EEA1: variants seen among roughly 807,000 people sequenced by gnomAD.
EEA1 encodes the protein early endosome antigen 1.
Under a neutral mutation model 209.2 loss-of-function variants are expected in EEA1, and 111 were observed. The observed-to-expected ratio is 0.53, with a 90% confidence interval of 0.45 to 0.62. EEA1 has a LOEUF of 0.62. EEA1 is among the 20% of genes least tolerant of loss of function. EEA1 has a pLI of 0.00. For synonymous variants in EEA1, 536 were observed against 540.6 expected (o/e 0.99, Z 0.12); for missense variants, 1,343 against 1,530.8 (o/e 0.88, Z 2.05).
intron 6 of EEA1, 30 bp downstream of exon 6, chr12:92,853,885 T>G (rs971438577): frequency 1.3e-6 from 2 of 1,583,284 alleles, no homozygotes; most frequent in African/African-American, 2.7e-5. Context: ...AAAAGAAAAC[T>G]GACAAAATAT....
intron 2 of EEA1, among the ~76,000 whole-genome samples, chr12:92,865,892 C>T (rs967926967): frequency 4.6e-5 from 7 of 151,842 alleles, no homozygotes. Context: ...GGATTACAGG[C>T]ACCCGCCACC....
chr12:92,821,708 T>C (rs995296551), intron 13 of EEA1, among the ~76,000 whole-genome samples: 10 of 151,896 alleles, frequency 6.6e-5, no homozygotes, highest in Admixed American at 5.2e-4. Context: ...ACATTCTCAA[T>C]CTCTGCTTGC....
At position 92,775,243 on chromosome 12, in the gene EEA1, G is replaced by A. The variant is rs956249654; in HGVS notation, c.*768C>T. ...TTCTAAGATTCTAAATGGACAATGC[G>A]TGGGAGTTTAAGAAAGAGACAGAAA... On this transcript the variant is annotated 3_prime_UTR_variant, in exon 29 of 29. Coordinates refer to ENST00000322349, the MANE Select transcript of EEA1 (RefSeq NM_003566.4). The A allele has an allele frequency of 1.3e-5, 2 of 151,622 alleles. No homozygotes were observed. The highest frequency in any genetic ancestry group is 2.4e-5 in the African/African-American group (1 of 41,400). 9.4% of individuals were successfully genotyped at this position (151,622 alleles called of 1,614,324 possible).
Position 92,816,189 on chromosome 12 carries a change from T to C in EEA1, c.1929+11A>G, listed in dbSNP as rs1326019595. The C allele has an allele frequency of 2.5e-6, 4 of 1,608,734 alleles. No homozygotes were observed. In the South Asian group the frequency reaches 3.3e-5, roughly 13 times the overall value. ...ACTGGTGCTTTACACAAACATTAAATTTAATATTACCTGTATGTCAAGCTG... is the reference window on the plus strand; with the variant it reads ...ACTGGTGCTTTACACAAACATTAAACTTAATATTACCTGTATGTCAAGCTG... On this transcript the variant is annotated intron_variant, in intron 15 of 28. Transcript: ENST00000322349.
At chr12:92,808,577 T>C (rs1191172126) in intron 18 of EEA1, among the ~76,000 whole-genome samples, 1 of 151,948 alleles carries the variant, frequency 6.6e-6, no homozygotes, top group African/African-American at 2.4e-5. Context: ...TCAAGCAATC[T>C]TGCTATGCTA....
intron 1 of EEA1, among the ~76,000 whole-genome samples, chr12:92,914,336 A>G (rs956351322): frequency 4.6e-5 from 7 of 152,104 alleles, no homozygotes; most frequent in Admixed American, 1.3e-4. Context: ...CTTCTGTTCC[A>G]TTGACCTGTG....
chr12:92,880,079 C>A (rs1055185244), intron 2 of EEA1, among the ~76,000 whole-genome samples: 1 of 152,256 alleles, frequency 6.6e-6, no homozygotes, highest in African/African-American at 2.4e-5. Context: ...TGTAGCCATG[C>A]ATGGCATGTA....
At position 92,808,574 on chromosome 12, in the gene EEA1, A is replaced by G. The variant is rs78797613; in HGVS notation, c.2339+443T>C. ...AGCCTCGACCTCCCAAGCTCAAGCA[A>G]TCTTGCTATGCTACCCAGGCTGAGA... On this transcript the variant is annotated intron_variant, in intron 18 of 28. Coordinates refer to ENST00000322349, the MANE Select transcript of EEA1 (RefSeq NM_003566.4). Among the ~76,000 whole-genome samples, 894 of 152,018 alleles carry G rather than the reference A, an allele frequency of 5.9e-3. 11 individuals are homozygous for G. The highest frequency in any genetic ancestry group is 0.02 in the African/African-American group (846 of 41,472).
intron 6 of EEA1, among the ~76,000 whole-genome samples, 154 bp downstream of exon 6, chr12:92,853,761 C>G (rs538904405): frequency 9.9e-4 from 151 of 152,226 alleles, no homozygotes; most frequent in South Asian, 2.1e-3. Flanking sequence ...ATGTAACTCT[C>G]TACACCTAGA....
chr12:92,799,836 T>C (rs1290652451), intron 20 of EEA1, among the ~76,000 whole-genome samples: 2 of 152,024 alleles, frequency 1.3e-5, no homozygotes, highest in African/African-American at 2.4e-5. Context: ...ACTAAGCCTA[T>C]TGGCCACAGT....
At chr12:92,831,715 C>G (rs1251274887) in intron 11 of EEA1, among the ~76,000 whole-genome samples, 1 of 149,784 alleles carries the variant, frequency 6.7e-6, no homozygotes, top group Non-Finnish European at 1.5e-5. Flanking sequence ...AGCATTAGGG[C>G]TGATTCACTT....
chr12:92,776,845 C>A lies in EEA1; in HGVS notation c.4112G>T (p.Arg1371Leu). 6.2e-7 allele frequency: 1 copy of A among 1,609,972 alleles called. No homozygotes were observed. Among genetic ancestry groups the A allele is most frequent in the Non-Finnish European group, 8.5e-7 (1 of 1,177,250 alleles). Reference sequence around the variant, plus strand: ...AGTTACATGAACAAAATTATTTACCCGTCTCACTGTTACTGAAAAGCCTTT... The same window carrying A: ...AGTTACATGAACAAAATTATTTACCAGTCTCACTGTTACTGAAAAGCCTTT... ...CGKGFSVTVRRHHCRQCGNIF... is the reference protein window; with the variant it reads ...CGKGFSVTVRLHHCRQCGNIF... The change falls in exon 28 of 29, where the codon CGG (arginine) becomes CTG (leucine). Residue 1371 changes from arginine (R) to leucine (L), a missense_variant and splice_region_variant. Physicochemically the swap from Arg to Leu is moderately radical, Grantham distance 102 (BLOSUM62 -2). Coordinates refer to ENST00000322349, the MANE Select transcript of EEA1 (RefSeq NM_003566.4).
chr12:92,910,951 T>C (rs1257882595), intron 1 of EEA1, among the ~76,000 whole-genome samples: 1 of 152,140 alleles, frequency 6.6e-6, no homozygotes, highest in Non-Finnish European at 1.5e-5. Context: ...ACACAGCTAG[T>C]AGAATGGCCA....
chr12:92,852,149 A>C, intron 8 of EEA1, 26 bp downstream of exon 8: 1 of 1,552,574 alleles, frequency 6.4e-7, no homozygotes, highest in East Asian at 2.3e-5. Context: ...ATAAGAGTAC[A>C]TCTCAATAAA....
chr12:92,858,968 C>A, intron 3 of EEA1: 4 of 689,076 alleles, frequency 5.8e-6, no homozygotes, highest in Admixed American at 2.2e-5. Flanking sequence ...AACCGTTCAG[C>A]TGCCTATGCT....
rs764312927 is a variant in EEA1, at chr12:92,772,356, TTTAA to T, written c.*3651_*3654del. The T allele has an allele frequency of 4.6e-5, 7 of 151,860 alleles. No homozygotes were observed. The highest frequency in any genetic ancestry group is 8.8e-5 in the Non-Finnish European group (6 of 67,812). 9.4% of individuals were successfully genotyped at this position (151,860 alleles called of 1,614,324 possible). On this transcript the variant is annotated 3_prime_UTR_variant, in exon 29 of 29. Coordinates refer to ENST00000322349, the MANE Select transcript of EEA1 (RefSeq NM_003566.4). ...TAATAATTTCTCTTGAGATCAGGAA[TTTAA>T]TTACTATTCGAAATTGAACAACATT... is the stretch of plus-strand genomic sequence containing the variant.
intron 21 of EEA1, among the ~76,000 whole-genome samples, chr12:92,793,525 T>C (rs1324617458): frequency 6.6e-6 from 1 of 152,144 alleles, no homozygotes; most frequent in African/African-American, 2.4e-5. Flanking sequence ...TGAACTCCCA[T>C]TCACAATTGC....
chr12:92,778,157 T>C lies in EEA1; in HGVS notation c.3677A>G (p.Glu1226Gly). ...AKLHSEIKEK[E>G]VGMKKHEENE... is the part of the protein sequence containing the mutation. ...TTCTTCATGCTTCTTCATTCCTACT[T>C]CCTTTTCTTTTATTTCGGAATGCTG... is the stretch of plus-strand genomic sequence containing the variant. The change falls in exon 26 of 29, where the codon GAA (glutamate) becomes GGA (glycine). Residue 1226 changes from glutamate (E) to glycine (G), a missense_variant. By Grantham distance (98) the Glu-to-Gly change is moderately conservative. Coordinates refer to ENST00000322349, the MANE Select transcript of EEA1 (RefSeq NM_003566.4). 1.9e-6 allele frequency: 3 copies of C among 1,611,506 alleles called. No homozygotes were observed. The highest frequency in any genetic ancestry group is 2.5e-6 in the Non-Finnish European group (3 of 1,178,954).
At chr12:92,840,199 A>G (rs74817909) in intron 10 of EEA1, among the ~76,000 whole-genome samples, 6,020 of 152,200 alleles carry the variant, frequency 0.04, 170 homozygotes, top group Non-Finnish European at 0.057. Flanking sequence ...ACACATTCAC[A>G]TCTCTGAATA....
Sources: allele counts gnomAD v4.1 joint callset (sites outside exome capture counted in the v4.1 genomes callset), GRCh38; gene constraint gnomAD v4.1.1; transcripts MANE v1.5; gene names NCBI Gene and HGNC (gene_info 2026-07-23, HGNC 2026-07-21).